Variants in ENG observed in about 807,000 individuals in gnomAD.
ENG encodes CD105 antigen.
A neutral mutation model predicts 71.0 loss-of-function variants in ENG; 17 were observed. The ratio of observed to expected loss-of-function variants is 0.24; its 90% CI spans 0.16 to 0.36. The LOEUF is 0.36. Among genes scored for constraint, ENG ranks in the 10% least tolerant of loss-of-function variants. The pLI, the probability that ENG is intolerant of heterozygous loss-of-function variation, is 1.00. For missense variants in ENG, 749 were observed against 868.3 expected, an observed-to-expected ratio of 0.86 and a Z score of 1.73; for synonymous variants, 360 against 366.9, an observed-to-expected ratio of 0.98 and a Z score of 0.21.
At chr9:127,844,284 C>T (rs1048617897) in intron 1 of ENG, among the ~76,000 whole-genome samples, 2 of 151,298 alleles carry the variant, frequency 1.3e-5, no homozygotes, top group Non-Finnish European at 2.9e-5. Flanking sequence ...CACCACCATG[C>T]CTGGCTAATT....
chr9:127,838,988 A>G lies in ENG; in HGVS notation c.219+4106T>C, dbSNP rs1229359124. Among the ~76,000 whole-genome samples, 3 of 152,172 alleles carry G rather than the reference A, an allele frequency of 2.0e-5. No homozygotes were observed. The highest frequency in any genetic ancestry group is 4.4e-5 in the Non-Finnish European group (3 of 68,020). ...AGATCGAAGAAGCCGGCCATAGGTC[A>G]GGAGGGATCCGGCTGGCTGCTAAAA... On this transcript the variant is annotated intron_variant, in intron 2 of 14. Transcript: ENST00000373203. The surrounding 1 kb of genome is among the most constrained non-coding windows in gnomAD (Gnocchi z 4.3).
chr9:127,854,260 C>T (rs776416386), intron 1 of ENG, 29 bp downstream of exon 1: 12 of 1,564,344 alleles, frequency 7.7e-6, no homozygotes, highest in Non-Finnish European at 1.0e-5. Flanking sequence ...GAGGCCGAGT[C>T]TCCCCACCCT....
chr9:127,819,696 G>C lies in ENG; in HGVS notation c.1273-36C>G, dbSNP rs369330513. 36 of 1,595,474 alleles carry C rather than the reference G, an allele frequency of 2.3e-5. No homozygotes were observed. In the African/African-American group the frequency reaches 4.0e-4, roughly 18 times the overall value. On this transcript the variant is annotated intron_variant, in intron 9 of 14. Coordinates refer to ENST00000373203, the MANE Select transcript of ENG (RefSeq NM_001114753.3). The stretch of plus-strand genomic sequence containing the variant: ...AAAGCCAGGGAGCTGGTCAGAGCCA[G>C]AAAGGACCCCAGAGGGTATCCCACC...
At chr9:127,830,967 A>G (rs1333762625) in intron 2 of ENG, among the ~76,000 whole-genome samples, 2 of 152,080 alleles carry the variant, frequency 1.3e-5, no homozygotes, top group African/African-American at 4.8e-5. Context: ...AGTTGAAATC[A>G]TTTATGTCTT....
In ENG at chr9:127,838,089, C is replaced by CTCCA. The variant is rs1191170426; in HGVS notation, c.219+5001_219+5004dup. 6.6e-6 allele frequency among the ~76,000 whole-genome samples: 1 copy of CTCCA among 152,224 alleles called. No homozygotes were observed. Among genetic ancestry groups the CTCCA allele is most frequent in the Non-Finnish European group, 1.5e-5 (1 of 68,036 alleles). ...GGACAGCTCAGCCCGGATACCCAAA[C>CTCCA]TCCACCATGCCTGCCTCCCCAAGTA... On this transcript the variant is annotated intron_variant, in intron 2 of 14. Transcript: ENST00000373203. The surrounding 1 kb of genome is among the most constrained non-coding windows in gnomAD (Gnocchi z 4.3).
intron 2 of ENG, among the ~76,000 whole-genome samples, chr9:127,833,404 C>T (rs1309056673): frequency 1.3e-5 from 2 of 151,804 alleles, no homozygotes; most frequent in African/African-American, 4.8e-5. Context: ...GCCTGTAATC[C>T]CAGCTACTCG....
chr9:127,831,691 T>TC (rs1190670825), intron 2 of ENG, among the ~76,000 whole-genome samples: 1 of 151,022 alleles, frequency 6.6e-6, no homozygotes, highest in East Asian at 1.9e-4. Flanking sequence ...GGCCTTTTTT[T>TC]TTTTTTTTTC....
chr9:127,851,289 G>A (rs1029783622), intron 1 of ENG, among the ~76,000 whole-genome samples: 3 of 151,578 alleles, frequency 2.0e-5, no homozygotes, highest in African/African-American at 7.3e-5. Flanking sequence ...GCTTGATCTC[G>A]GCTCATCACA....
At chr9:127,852,723 T>C (rs1168801439) in intron 1 of ENG, among the ~76,000 whole-genome samples, 1 of 152,196 alleles carries the variant, frequency 6.6e-6, no homozygotes, top group Admixed American at 6.5e-5. Flanking sequence ...TACCGGGCAC[T>C]GATTCCCAGC....
intron 8 of ENG, among the ~76,000 whole-genome samples, chr9:127,820,587 G>A (rs1227470657): frequency 2.0e-5 from 3 of 151,494 alleles, no homozygotes; most frequent in Admixed American, 2.0e-4. Context: ...CCAGCACTTT[G>A]GGAGGCTGAG....
Position 127,854,399 on chromosome 9 carries a change from C to T in ENG, c.-44G>A. ...TGTGCGCTGGGCCTTATCCTGTGTCCAGTGGCAGGGCTGCGGGCGGGCACC... is the reference window on the plus strand; with the variant it reads ...TGTGCGCTGGGCCTTATCCTGTGTCTAGTGGCAGGGCTGCGGGCGGGCACC... On this transcript the variant is annotated 5_prime_UTR_variant, in exon 1 of 15. Coordinates refer to ENST00000373203, the MANE Select transcript of ENG (RefSeq NM_001114753.3). 3 of 1,543,782 alleles carry T rather than the reference C, an allele frequency of 1.9e-6. No homozygotes were observed. Among genetic ancestry groups the T allele is most frequent in the Non-Finnish European group, 2.6e-6 (3 of 1,141,514 alleles).
intron 12 of ENG, chr9:127,817,780 C>T (rs946643948): frequency 8.9e-6 from 4 of 451,148 alleles, no homozygotes; most frequent in Non-Finnish European, 1.2e-5. Context: ...TTTGAGATTA[C>T]ACTGGTGACC....
Position 127,846,813 on chromosome 9 carries a change from C to T in ENG, c.68-3568G>A. On this transcript the variant is annotated intron_variant, in intron 1 of 14. Transcript: ENST00000373203. The surrounding 1 kb of genome is among the most constrained non-coding windows in gnomAD (Gnocchi z 5.5). ...CGGGACTGGGTCAGAGGAGGAGCCG[C>T]TGGGGGCCTGGGTGACTGGAACCCC... 1.0e-6 allele frequency: 1 copy of T among 963,202 alleles called. No individual in the cohort carries two copies. The highest frequency in any genetic ancestry group is 1.2e-6 in the Non-Finnish European group (1 of 809,684). 59.7% of individuals were successfully genotyped at this position (963,202 alleles called of 1,614,324 possible).
chr9:127,845,676 A>T (rs1241439914), intron 1 of ENG, among the ~76,000 whole-genome samples: 2 of 152,204 alleles, frequency 1.3e-5, no homozygotes, highest in African/African-American at 4.8e-5. Context: ...GGACTCCATG[A>T]GACTGGGCAC....
intron 2 of ENG, among the ~76,000 whole-genome samples, chr9:127,832,370 C>T (rs765725231): frequency 3.3e-5 from 5 of 152,296 alleles, no homozygotes; most frequent in Admixed American, 6.5e-5. Context: ...CCACTGCACC[C>T]GGCCACTATT....
chr9:127,824,248 G>A, intron 8 of ENG, 56 bp downstream of exon 8: 1 of 1,613,450 alleles, frequency 6.2e-7, no homozygotes, highest in Non-Finnish European at 8.5e-7. Context: ...TCTTGGGCTA[G>A]GGGAGGAACC....
At chr9:127,837,137 A>G (rs541050885) in intron 2 of ENG, among the ~76,000 whole-genome samples, 2 of 152,090 alleles carry the variant, frequency 1.3e-5, no homozygotes, top group Non-Finnish European at 2.9e-5. Flanking sequence ...CAGTCATCCA[A>G]GGAGAGCCAT....
intron 1 of ENG, among the ~76,000 whole-genome samples, chr9:127,852,976 G>A (rs899286438): frequency 6.6e-6 from 1 of 152,162 alleles, no homozygotes; most frequent in African/African-American, 2.4e-5. Flanking sequence ...AGCTCAGGTA[G>A]GGGCTCCGTC....
intron 2 of ENG, among the ~76,000 whole-genome samples, chr9:127,842,600 T>A (rs559341112): frequency 7.9e-5 from 12 of 152,058 alleles, no homozygotes; most frequent in African/African-American, 2.9e-4. Flanking sequence ...AATTTTTGTA[T>A]TTTTAGTAGA....
Sources: gnomAD v4.1 joint callset for allele counts (sites outside exome capture counted in the v4.1 genomes callset) on GRCh38, gnomAD v4.1.1 for gene constraint, Gnocchi (gnomAD v3.1) non-coding constraint, MANE v1.5 for transcripts, NCBI Gene and HGNC (gene_info 2026-07-23, HGNC 2026-07-21) for gene names.